The following TMPRSS15 variants were observed in gnomAD, a reference collection of about 807,000 sequenced individuals.
TMPRSS15 encodes transmembrane serine protease 15.
In TMPRSS15, 128 loss-of-function variants were observed where a neutral mutation model predicts 125.3. The observed-to-expected ratio is 1.02, with a 90% CI of 0.89 to 1.18. The LOEUF is 1.18. Ranked by LOEUF, TMPRSS15 falls within the 50% of genes most tolerant of loss-of-function variation. The pLI is 0.00. For synonymous variants in TMPRSS15, 446 were observed against 423.2 expected (o/e 1.05, Z -0.66); for missense variants, 1,283 against 1,212.7 (o/e 1.06, Z -0.86).
chr21:18,344,666 T>A (rs1569022188), intron 10 of TMPRSS15, among the ~76,000 whole-genome samples: 1 of 152,214 alleles, frequency 6.6e-6, no homozygotes, highest in Non-Finnish European at 1.5e-5. Flanking sequence ...CACAAGCCAC[T>A]GCATAAAGTG....
chr21:18,409,936 T>G, intron 1 of TMPRSS15, among the ~76,000 whole-genome samples: 2 of 138,414 alleles, frequency 1.4e-5, no homozygotes, highest in East Asian at 2.4e-4. Flanking sequence ...CCTTCCTTTC[T>G]TCCTTCCTTC....
At chr21:18,323,650 T>G (rs528546950) in intron 16 of TMPRSS15, among the ~76,000 whole-genome samples, 1 of 152,122 alleles carries the variant, frequency 6.6e-6, no homozygotes, top group East Asian at 1.9e-4. Context: ...AGTATTTTTT[T>G]AAAAAATCTC....
At chr21:18,412,573 C>T (rs571941047) in intron 1 of TMPRSS15, among the ~76,000 whole-genome samples, 5 of 152,270 alleles carry the variant, frequency 3.3e-5, no homozygotes, top group Admixed American at 6.5e-5. Flanking sequence ...GGTAATATTT[C>T]GTACTAGGTA....
chr21:18,326,054 C>T (rs371484364), intron 16 of TMPRSS15, among the ~76,000 whole-genome samples: 47 of 152,198 alleles, frequency 3.1e-4, no homozygotes, highest in African/African-American at 9.9e-4. Flanking sequence ...GCCAACAGCT[C>T]TCTTGCCTGT....
At chr21:18,341,686 T>C in intron 12 of TMPRSS15, 138 bp from the exon 13 acceptor site, 1 of 950,816 alleles carries the variant, frequency 1.1e-6, no homozygotes, top group Non-Finnish European at 1.6e-6. Flanking sequence ...TGACCGTTAC[T>C]ACATAGTGAA....
intron 1 of TMPRSS15, among the ~76,000 whole-genome samples, chr21:18,435,088 T>A (rs7510013): frequency 0.12 from 17,705 of 152,120 alleles, 1,151 homozygotes; most frequent in African/African-American, 0.16. Flanking sequence ...CAATTTTTTT[T>A]ACAAAAGATA....
intron 1 of TMPRSS15, among the ~76,000 whole-genome samples, chr21:18,480,891 C>G (rs1263164265): frequency 2.0e-5 from 3 of 151,762 alleles, no homozygotes; most frequent in African/African-American, 7.3e-5. Context: ...AGTCACTATT[C>G]TGAAAATGAG....
At chr21:18,477,419 C>T (rs768568351) in intron 1 of TMPRSS15, 1 of 152,082 alleles carries the variant, frequency 6.6e-6, no homozygotes, top group Non-Finnish European at 1.5e-5. Context: ...AAGGCCATCA[C>T]ATTTATAGAT....
chr21:18,356,749 A>G (rs2824767), intron 8 of TMPRSS15, among the ~76,000 whole-genome samples: 118,826 of 151,784 alleles, frequency 0.78, 46,618 homozygotes, highest in East Asian at 0.88. Context: ...AAAATGCTTT[A>G]CTTTGAATAA....
intron 4 of TMPRSS15, chr21:18,380,491 A>C (rs2075883240): frequency 2.2e-6 from 1 of 464,660 alleles, no homozygotes. Context: ...TAGGTGATAG[A>C]GTTTGATGAT....
chr21:18,353,529 T>C (rs897984688), intron 9 of TMPRSS15, among the ~76,000 whole-genome samples, 194 bp downstream of exon 9: 4 of 151,888 alleles, frequency 2.6e-5, no homozygotes, highest in Non-Finnish European at 5.9e-5. Flanking sequence ...AATTGGTTAT[T>C]TGATTCCTTT....
intron 15 of TMPRSS15, among the ~76,000 whole-genome samples, chr21:18,326,978 A>G (rs935580915): frequency 5.3e-5 from 8 of 152,216 alleles, no homozygotes; most frequent in African/African-American, 1.9e-4. Context: ...TGTATGTGGA[A>G]TCATAAACCT....
At chr21:18,413,599 T>C (rs1331344506) in intron 1 of TMPRSS15, among the ~76,000 whole-genome samples, 8 of 150,344 alleles carry the variant, frequency 5.3e-5, no homozygotes, top group Admixed American at 4.6e-4. Flanking sequence ...TTTTTTTTTT[T>C]TTCTATTTTT....
chr21:18,356,749 A>C (rs2824767), intron 8 of TMPRSS15, among the ~76,000 whole-genome samples: 1 of 151,708 alleles, frequency 6.6e-6, no homozygotes, highest in Non-Finnish European at 1.5e-5. Flanking sequence ...AAAATGCTTT[A>C]CTTTGAATAA....
intron 17 of TMPRSS15, among the ~76,000 whole-genome samples, chr21:18,313,803 G>A (rs1477358414): frequency 6.6e-6 from 1 of 151,008 alleles, no homozygotes; most frequent in Non-Finnish European, 1.5e-5. Flanking sequence ...AAAGTTATCT[G>A]TGAAGAGTAT....
intron 1 of TMPRSS15, among the ~76,000 whole-genome samples, chr21:18,441,840 G>A (rs992589983): frequency 8.6e-5 from 13 of 151,542 alleles, no homozygotes; most frequent in African/African-American, 2.4e-4. Flanking sequence ...GTAGGCACAC[G>A]CCACCGATCT....
At chr21:18,365,051 T>G (rs1450774758) in intron 7 of TMPRSS15, 89 bp downstream of exon 7, 1 of 1,100,928 alleles carries the variant, frequency 9.1e-7, no homozygotes, top group Non-Finnish European at 1.4e-6. Flanking sequence ...AAAACAATGA[T>G]TCTTTAAAAA....
chr21:18,271,438 G>A (rs1010464222), intron 24 of TMPRSS15, among the ~76,000 whole-genome samples: 1 of 152,080 alleles, frequency 6.6e-6, no homozygotes, highest in East Asian at 1.9e-4. Context: ...ATACTGGGTC[G>A]GTTGCAGTTA....
At chr21:18,294,974 A>G (rs2074885091) in intron 19 of TMPRSS15, among the ~76,000 whole-genome samples, 1 of 152,228 alleles carries the variant, frequency 6.6e-6, no homozygotes. Flanking sequence ...ATTTGCAATA[A>G]AACTATTACA....
Sources: allele counts gnomAD v4.1 joint callset (sites outside exome capture counted in the v4.1 genomes callset), GRCh38; gene constraint gnomAD v4.1.1; transcripts MANE v1.5; gene names NCBI Gene and HGNC (gene_info 2026-07-23, HGNC 2026-07-21).